Variants in GRXCR2 observed in about 807,000 individuals in gnomAD.
The protein encoded by GRXCR2 is glutaredoxin and cysteine rich domain containing 2.
A neutral mutation model predicts 24.8 loss-of-function variants in GRXCR2; 23 were observed. That is an observed-to-expected ratio of 0.93 (90% CI 0.67 to 1.32). GRXCR2 has a LOEUF of 1.32. Ranked by LOEUF, GRXCR2 falls within the 40% of genes most tolerant of loss-of-function variation. The probability of loss-of-function intolerance (pLI) is 0.00; values close to 1 mark genes in which losing one functional copy is unlikely to be tolerated. For missense variants in GRXCR2, 315 were observed against 303.4 expected (o/e 1.04, Z -0.28); for synonymous variants, 130 against 116.1 (o/e 1.12, Z -0.77).
At chr5:145,882,785 G>C (rs934767771) in intron 2 of GRXCR2, among the ~76,000 whole-genome samples, 3 of 152,144 alleles carry the variant, frequency 2.0e-5, no homozygotes, top group South Asian at 2.1e-4. Context: ...ATGTCCATCA[G>C]TGATAGACTG....
chr5:145,889,146 G>A (rs1284368886), intron 2 of GRXCR2, among the ~76,000 whole-genome samples: 1 of 145,484 alleles, frequency 6.9e-6, no homozygotes, highest in Non-Finnish European at 1.5e-5. Context: ...CTTGAGCTGG[G>A]TGACAGACCG....
intron 2 of GRXCR2, among the ~76,000 whole-genome samples, chr5:145,904,068 C>G (rs1194069824): frequency 1.3e-5 from 2 of 152,084 alleles, no homozygotes; most frequent in Non-Finnish European, 2.9e-5. Context: ...AGGAGGACTC[C>G]TAACTGGAGC....
chr5:145,928,609 G>A (rs539794976), intron 2 of GRXCR2, among the ~76,000 whole-genome samples: 16 of 152,040 alleles, frequency 1.1e-4, no homozygotes, highest in Non-Finnish European at 1.9e-4. Context: ...TGTAGGACAC[G>A]GATGAAGCTG....
chr5:145,889,177 AAAGAAAGAAAGAAAGAAAGAAAGAAAG>A (rs1756822582), intron 2 of GRXCR2, among the ~76,000 whole-genome samples: 12 of 86,314 alleles, frequency 1.4e-4, no homozygotes, highest in African/African-American at 4.3e-4. Flanking sequence ...TCAAAAAAAG[AAAGAAAGAAAGAAAGAAAGAAAGAAAG>A]AAAGAAAGAA....
rs77261565 is a variant in GRXCR2, at chr5:145,930,060, C to CTTTA, written c.-70+5637_-70+5640dup. Among the ~76,000 whole-genome samples, 575 of 151,168 alleles carry CTTTA rather than the reference C, an allele frequency of 3.8e-3. 1 individual carries two copies. Among genetic ancestry groups the CTTTA allele is most frequent in the Non-Finnish European group, 5.6e-3 (381 of 67,790 alleles). ...GAGAAAGCCTCAGTTTTGGGCTAGTCTTTATTTATTTATTTATTTATTATT... is the reference window on the plus strand; with the variant it reads ...GAGAAAGCCTCAGTTTTGGGCTAGTCTTTATTTATTTATTTATTTATTTATTATT... On this transcript the variant is annotated intron_variant, in intron 2 of 3. Coordinates refer to the GRXCR2 transcript ENST00000639411.
In GRXCR2 at chr5:145,889,991, A is replaced by G. The variant is rs372858996; in HGVS notation, c.-69-23263T>C. On this transcript the variant is annotated intron_variant, in intron 2 of 3. Transcript: ENST00000639411. ...TCAAAATACAATTGAAAGCTTTGTC[A>G]ATAGACTGGACTAAGCAGAAGAAAT... is the stretch of plus-strand genomic sequence containing the variant. 5.8e-4 allele frequency among the ~76,000 whole-genome samples: 89 copies of G among 152,386 alleles called. 3 individuals carry two copies. In the South Asian group the frequency reaches 0.017, roughly 29 times the overall value.
chr5:145,893,465 A>G (rs1461555348), intron 2 of GRXCR2, among the ~76,000 whole-genome samples: 1 of 152,178 alleles, frequency 6.6e-6, no homozygotes, highest in East Asian at 1.9e-4. Flanking sequence ...AAAACAAAAA[A>G]AGGCAGGGGT....
At chr5:145,876,218 C>CACACACACACACATAATATATATAT (rs1756614595), upstream of GRXCR2, among the ~76,000 whole-genome samples, 1 of 116,220 alleles carries the variant, frequency 8.6e-6, no homozygotes, top group East Asian at 2.4e-4. Flanking sequence ...TATATATATA[C>CACACACACACACATAATATATATAT]ACACACACAC....
At chr5:145,866,824 G>A in intron 1 of GRXCR2, 96 bp from the exon 2 acceptor site, 1 of 744,876 alleles carries the variant, frequency 1.3e-6, no homozygotes. Context: ...AGCAGAGAAG[G>A]AACTTCTACC....
intron 2 of GRXCR2, among the ~76,000 whole-genome samples, chr5:145,893,929 C>T (rs1244071765): frequency 6.6e-6 from 1 of 152,144 alleles, no homozygotes; most frequent in Admixed American, 6.5e-5. Context: ...TTATAACAAA[C>T]TGTCTCTCAG....
At chr5:145,882,229 A>G (rs969822073) in intron 2 of GRXCR2, among the ~76,000 whole-genome samples, 1 of 152,212 alleles carries the variant, frequency 6.6e-6, no homozygotes, top group East Asian at 1.9e-4. Flanking sequence ...CAGAGTGAAC[A>G]GGCAACCTAC....
chr5:145,928,694 T>C (rs1046638697), intron 2 of GRXCR2, among the ~76,000 whole-genome samples: 32 of 132,680 alleles, frequency 2.4e-4, no homozygotes, highest in Non-Finnish European at 4.3e-4. Flanking sequence ...TAGGTGGGAA[T>C]TGAACAATGA....
At chr5:145,930,580 G>C (rs1243464191) in intron 2 of GRXCR2, among the ~76,000 whole-genome samples, 1 of 152,052 alleles carries the variant, frequency 6.6e-6, no homozygotes, top group Non-Finnish European at 1.5e-5. Context: ...ATTAAAAACT[G>C]ATTCGACATT....
chr5:145,917,499 G>A (rs938454050), intron 2 of GRXCR2, among the ~76,000 whole-genome samples: 7 of 152,126 alleles, frequency 4.6e-5, no homozygotes, highest in African/African-American at 1.2e-4. Flanking sequence ...CCATCAGAAT[G>A]TCTGCTGAGT....
chr5:145,909,991 TAA>T (rs906490223), intron 2 of GRXCR2, among the ~76,000 whole-genome samples: 3 of 152,162 alleles, frequency 2.0e-5, no homozygotes, highest in African/African-American at 7.2e-5. Context: ...TGCTAAACTG[TAA>T]GGCTTAACGA....
At chr5:145,922,013 G>T (rs1022305849) in intron 2 of GRXCR2, among the ~76,000 whole-genome samples, 1 of 152,082 alleles carries the variant, frequency 6.6e-6, no homozygotes, top group Non-Finnish European at 1.5e-5. Context: ...TATATAAACA[G>T]CCCCCAAATC....
intron 1 of GRXCR2, among the ~76,000 whole-genome samples, chr5:145,869,293 T>C (rs1435460392): frequency 1.3e-5 from 2 of 152,248 alleles, no homozygotes; most frequent in Admixed American, 1.3e-4. Flanking sequence ...AAGATGAAAT[T>C]ATGCAATATG....
intron 2 of GRXCR2, among the ~76,000 whole-genome samples, chr5:145,902,149 G>A (rs1438832854): frequency 6.6e-6 from 1 of 152,026 alleles, no homozygotes; most frequent in East Asian, 1.9e-4. Context: ...AGGCTGGAGT[G>A]CAGTGCTGTG....
chr5:145,869,794 T>C (rs1756499462), intron 1 of GRXCR2, among the ~76,000 whole-genome samples: 1 of 152,192 alleles, frequency 6.6e-6, no homozygotes, highest in African/African-American at 2.4e-5. Context: ...CCTGACCTCG[T>C]GATCTGCCCT....
Sources: gnomAD v4.1 joint callset for allele counts (sites outside exome capture counted in the v4.1 genomes callset) on GRCh38, gnomAD v4.1.1 for gene constraint, MANE v1.5 for transcripts, NCBI Gene and HGNC (gene_info 2026-07-23, HGNC 2026-07-21) for gene names.